Variants in CEMIP observed in about 807,000 individuals in gnomAD.
CEMIP encodes the protein cell migration-inducing and hyaluronan-binding protein.
Under a neutral mutation model 156.9 loss-of-function variants are expected in CEMIP, and 105 were observed. That is an observed-to-expected ratio of 0.67 (90% CI 0.57 to 0.79). The LOEUF is 0.79. Among genes scored for constraint, CEMIP ranks in the 30% least tolerant of loss-of-function variants. The pLI is 0.00. For missense variants in CEMIP, 1,457 were observed against 1,769.4 expected (o/e 0.82, Z 3.17); for synonymous variants, 676 against 668.4 (o/e 1.01, Z -0.17).
chr15:80,801,704 AC>A (rs1279422991), intron 1 of CEMIP, among the ~76,000 whole-genome samples: 1 of 152,180 alleles, frequency 6.6e-6, no homozygotes, highest in Non-Finnish European at 1.5e-5. Flanking sequence ...AATCCACCAC[AC>A]CCACCTTTGA....
At chr15:80,863,078 C>T (rs1898027762) in intron 1 of CEMIP, among the ~76,000 whole-genome samples, 1 of 152,140 alleles carries the variant, frequency 6.6e-6, no homozygotes, top group Non-Finnish European at 1.5e-5. Flanking sequence ...AGCCTGGGAG[C>T]ACCTGTATCA....
intron 24 of CEMIP, among the ~76,000 whole-genome samples, 188 bp from the exon 25 acceptor site, chr15:80,937,606 G>A (rs141300127): frequency 1.3e-5 from 2 of 152,330 alleles, no homozygotes; most frequent in African/African-American, 4.8e-5. Flanking sequence ...GGCAGCCATT[G>A]TCTCTCCCTC....
intron 12 of CEMIP, among the ~76,000 whole-genome samples, chr15:80,902,615 G>C (rs1230528146): frequency 6.6e-6 from 1 of 152,212 alleles, no homozygotes; most frequent in Non-Finnish European, 1.5e-5. Context: ...GAAGACGGCT[G>C]TGGGACTGAA....
chr15:80,848,921 C>CACACACACACACACACACAG (rs1555430250), intron 1 of CEMIP, among the ~76,000 whole-genome samples: 1 of 147,986 alleles, frequency 6.8e-6, no homozygotes, highest in African/African-American at 2.5e-5. Context: ...CACACACACA[C>CACACACACACACACACACAG]ACACACCCTG....
chr15:80,929,315 G>C (rs1567106706), intron 21 of CEMIP, 141 bp downstream of exon 21: 1 of 1,103,396 alleles, frequency 9.1e-7, no homozygotes, highest in Non-Finnish European at 1.4e-6. Flanking sequence ...AGGTGACTGA[G>C]ACTAACAATT....
chr15:80,943,162 G>A, intron 28 of CEMIP, 60 bp downstream of exon 28: 1 of 1,575,776 alleles, frequency 6.3e-7, no homozygotes, highest in Non-Finnish European at 8.7e-7. Flanking sequence ...CTGGGCAAGG[G>A]CCCCCTCCCT....
chr15:80,891,219 T>G (rs1365268844), intron 10 of CEMIP, among the ~76,000 whole-genome samples: 1 of 152,212 alleles, frequency 6.6e-6, no homozygotes, highest in African/African-American at 2.4e-5. Flanking sequence ...GTTTTCTGGC[T>G]CCAGACACTG....
At chr15:80,857,605 T>A (rs996509315) in intron 1 of CEMIP, among the ~76,000 whole-genome samples, 1 of 152,234 alleles carries the variant, frequency 6.6e-6, no homozygotes, top group African/African-American at 2.4e-5. Flanking sequence ...AACTTCACCG[T>A]GCACATTAGT....
At chr15:80,823,151 A>G (rs1295931103) in intron 1 of CEMIP, among the ~76,000 whole-genome samples, 1 of 152,248 alleles carries the variant, frequency 6.6e-6, no homozygotes, top group East Asian at 1.9e-4. Context: ...GAAATGGAGA[A>G]ACGGTTTGTT....
intron 3 of CEMIP, among the ~76,000 whole-genome samples, chr15:80,874,275 T>G (rs1377384553): frequency 1.3e-5 from 2 of 152,212 alleles, no homozygotes; most frequent in Admixed American, 1.3e-4. Flanking sequence ...TGTGGTCAAC[T>G]GGAGAACTGA....
At chr15:80,804,317 C>T (rs1317346912) in intron 1 of CEMIP, among the ~76,000 whole-genome samples, 2 of 152,178 alleles carry the variant, frequency 1.3e-5, no homozygotes, top group Non-Finnish European at 2.9e-5. Context: ...CTTTTCAGTG[C>T]CTTTTTTGTA....
chr15:80,875,118 C>T (rs1352270594), intron 3 of CEMIP, among the ~76,000 whole-genome samples: 2 of 145,046 alleles, frequency 1.4e-5, no homozygotes, highest in Non-Finnish European at 3.0e-5. Context: ...ACTGCAGCCT[C>T]TACCTCCCGG....
chr15:80,815,773 G>A (rs1896776292), intron 1 of CEMIP, among the ~76,000 whole-genome samples: 2 of 152,170 alleles, frequency 1.3e-5, no homozygotes, highest in South Asian at 4.1e-4. Flanking sequence ...CAAGTAGGAG[G>A]GAGAAGATCC....
intron 12 of CEMIP, among the ~76,000 whole-genome samples, chr15:80,900,423 A>G (rs988059809): frequency 6.6e-6 from 1 of 152,044 alleles, no homozygotes; most frequent in African/African-American, 2.4e-5. Flanking sequence ...TGGGGTTAGC[A>G]CTGCCTGTGC....
chr15:80,834,918 G>A (rs900465172), intron 1 of CEMIP, among the ~76,000 whole-genome samples: 3 of 151,968 alleles, frequency 2.0e-5, no homozygotes, highest in Non-Finnish European at 4.4e-5. Context: ...TTAGGCCTTT[G>A]AAAATTTGTC....
chr15:80,919,154 G>A (rs1362431243), intron 14 of CEMIP, among the ~76,000 whole-genome samples: 3 of 152,210 alleles, frequency 2.0e-5, no homozygotes, highest in African/African-American at 7.2e-5. Context: ...TCTGAACCCA[G>A]GCGTTGCAAA....
intron 23 of CEMIP, among the ~76,000 whole-genome samples, chr15:80,934,762 G>A (rs1207158457): frequency 6.6e-6 from 1 of 152,172 alleles, no homozygotes; most frequent in East Asian, 1.9e-4. Flanking sequence ...GTGGGGGTCA[G>A]GTGCCAGAGT....
rs1053754675 is a variant in CEMIP at position 80,950,828 on chromosome 15, C to T, written c.*1904C>T. 2.6e-5 allele frequency: 4 copies of T among 152,726 alleles called. No homozygotes were observed. Among genetic ancestry groups the T allele is most frequent in the Non-Finnish European group, 5.9e-5 (4 of 68,088 alleles). 9.5% of individuals were successfully genotyped at this position (152,726 alleles called of 1,614,324 possible). On this transcript the variant is annotated 3_prime_UTR_variant, in exon 30 of 30. Coordinates refer to ENST00000394685, the MANE Select transcript of CEMIP (RefSeq NM_001293298.2). ...ACGAGGCACCAGAGTCTCCCTGGGT[C>T]TTGTGATGAACTACATTTATCCCCT... is the stretch of plus-strand genomic sequence containing the variant.
At chr15:80,897,823 T>A (rs754123051) in intron 12 of CEMIP, among the ~76,000 whole-genome samples, 4 of 151,964 alleles carry the variant, frequency 2.6e-5, no homozygotes, top group Non-Finnish European at 5.9e-5. Context: ...AAATAGACAA[T>A]AAACTTTATC....
Sources: gnomAD v4.1 joint callset for allele counts (sites outside exome capture counted in the v4.1 genomes callset) on GRCh38, gnomAD v4.1.1 for gene constraint, MANE v1.5 for transcripts, NCBI Gene and HGNC (gene_info 2026-07-23, HGNC 2026-07-21) for gene names.